RPS6KC1: variants seen among roughly 807,000 people sequenced by gnomAD.
The protein encoded by RPS6KC1 is ribosomal protein S6 kinase C1, also known as inactive ribosomal protein S6 kinase delta-1.
In RPS6KC1, 54 loss-of-function variants were observed where a neutral mutation model predicts 103.8. The observed-to-expected ratio is 0.52, with a 90% CI of 0.42 to 0.65. The LOEUF is 0.65. RPS6KC1 is among the 30% of genes least tolerant of loss of function. RPS6KC1 has a pLI of 0.00. For missense variants in RPS6KC1, 1,151 were observed against 1,253.8 expected (o/e 0.92, Z 1.24); for synonymous variants, 439 against 438.7 (o/e 1.00, Z -0.01).
chr1:213,603,598 G>A, the RPS6KC1 span, among the ~76,000 whole-genome samples: 3 of 151,630 alleles, frequency 2.0e-5, no homozygotes, highest in East Asian at 1.9e-4. Flanking sequence ...AGTAGCTCAC[G>A]CCTGTAATCC....
the RPS6KC1 span, among the ~76,000 whole-genome samples, chr1:213,640,323 C>T: frequency 6.6e-6 from 1 of 151,656 alleles, no homozygotes; most frequent in African/African-American, 2.4e-5. Flanking sequence ...AGATGCTTAT[C>T]CATTTTAGTG....
At chr1:213,197,830 A>G (rs1318474481) in intron 8 of RPS6KC1, among the ~76,000 whole-genome samples, 1 of 151,974 alleles carries the variant, frequency 6.6e-6, no homozygotes, top group Non-Finnish European at 1.5e-5. Context: ...TTTTCCTTAA[A>G]TTTATGTGCG....
At chr1:213,823,377 T>C in the RPS6KC1 span, among the ~76,000 whole-genome samples, 2 of 152,172 alleles carry the variant, frequency 1.3e-5, no homozygotes, top group South Asian at 2.1e-4. Flanking sequence ...TGGCACACGA[T>C]AGATGCTCAA....
At chr1:213,733,671 G>A in the RPS6KC1 span, among the ~76,000 whole-genome samples, 9 of 149,428 alleles carry the variant, frequency 6.0e-5, no homozygotes, top group East Asian at 2.0e-4. Context: ...ATCCCCTTTC[G>A]TGGGTTTTAT....
chr1:213,364,021 T>C, the RPS6KC1 span, among the ~76,000 whole-genome samples: 166 of 152,210 alleles, frequency 1.1e-3, no homozygotes, highest in Admixed American at 1.8e-3. Context: ...GGCTATTTAG[T>C]GCAGGGATTG....
intron 1 of RPS6KC1, among the ~76,000 whole-genome samples, chr1:213,064,416 G>T (rs929012137): frequency 6.6e-6 from 1 of 150,774 alleles, no homozygotes; most frequent in East Asian, 1.9e-4. Flanking sequence ...TGCCCAGGCT[G>T]GAGTACAATG....
At chr1:213,375,232 TACACATACACACATATATAC>T in the RPS6KC1 span, among the ~76,000 whole-genome samples, 1 of 151,510 alleles carries the variant, frequency 6.6e-6, no homozygotes, top group Non-Finnish European at 1.5e-5. Context: ...TTCACATACA[TACACATACACACATATATAC>T]ACACATACAC....
the RPS6KC1 span, among the ~76,000 whole-genome samples, chr1:213,749,209 G>T: frequency 1.3e-5 from 2 of 152,190 alleles, no homozygotes; most frequent in Non-Finnish European, 2.9e-5. Context: ...AGAGGATGGT[G>T]GTCTAGGTAG....
chr1:213,503,550 C>T, the RPS6KC1 span, among the ~76,000 whole-genome samples: 17,718 of 152,198 alleles, frequency 0.12, 1,145 homozygotes, highest in Non-Finnish European at 0.13. Context: ...CTCGCACTTA[C>T]GCTTATTCTC....
intron 1 of RPS6KC1, among the ~76,000 whole-genome samples, chr1:213,057,940 A>G (rs1226247726): frequency 2.8e-5 from 4 of 142,738 alleles, no homozygotes; most frequent in East Asian, 2.1e-4. Flanking sequence ...TAATTTTTGT[A>G]TTTTTTAAAT....
rs558117754 is a variant in RPS6KC1 at position 213,151,174 on chromosome 1, C to A, written c.836-16684C>A. On this transcript the variant is annotated intron_variant, in intron 6 of 14. Coordinates refer to ENST00000366960, the MANE Select transcript of RPS6KC1 (RefSeq NM_012424.6). ...GGCGGCTGGCCGGGCGGGGGGCTGA[C>A]CCCCCCACCTCCCTCCCGGATGGGG... Among the ~76,000 whole-genome samples the A allele has an allele frequency of 4.0e-3, 560 of 139,034 alleles. 2 individuals are homozygous for A. The highest frequency in any genetic ancestry group is 0.014 in the African/African-American group (526 of 36,988). The allele number at this position is 139,034 out of a possible 152,430, so 91.2% of individuals were successfully genotyped here. A position where few individuals can be genotyped will look rare whatever the true frequency, so the allele number is the denominator to read the frequency against.
At chr1:213,683,384 T>A in the RPS6KC1 span, among the ~76,000 whole-genome samples, 1 of 152,108 alleles carries the variant, frequency 6.6e-6, no homozygotes, top group Non-Finnish European at 1.5e-5. Flanking sequence ...GCATTTGTCC[T>A]AAGGAAGTTA....
chr1:213,307,438 G>A, the RPS6KC1 span, among the ~76,000 whole-genome samples: 1 of 152,132 alleles, frequency 6.6e-6, no homozygotes. Flanking sequence ...ATGTGAAACT[G>A]AAGGCGTAAG....
chr1:213,257,785 A>AATTTTTTTT (rs2094683866), intron 12 of RPS6KC1, among the ~76,000 whole-genome samples: 1 of 108,672 alleles, frequency 9.2e-6, no homozygotes, highest in African/African-American at 3.5e-5. Context: ...AACAGGTAAA[A>AATTTTTTTT]CTTTTTTTTT....
At chr1:213,587,813 C>T in the RPS6KC1 span, among the ~76,000 whole-genome samples, 4 of 152,200 alleles carry the variant, frequency 2.6e-5, no homozygotes, top group Non-Finnish European at 5.9e-5. Context: ...CTAGAAATCC[C>T]ACTGAGTGTT....
At chr1:213,795,312 C>T in the RPS6KC1 span, among the ~76,000 whole-genome samples, 1 of 152,152 alleles carries the variant, frequency 6.6e-6, no homozygotes, top group South Asian at 2.1e-4. Flanking sequence ...TGGAATTCTT[C>T]TGAGAGGTCT....
At chr1:213,151,800 C>T (rs1279433377) in intron 6 of RPS6KC1, among the ~76,000 whole-genome samples, 2 of 128,076 alleles carry the variant, frequency 1.6e-5, no homozygotes, top group African/African-American at 3.1e-5. Flanking sequence ...CCACCTCCCT[C>T]CCGGACGGGG....
chr1:213,755,140 C>T, the RPS6KC1 span, among the ~76,000 whole-genome samples: 1 of 152,054 alleles, frequency 6.6e-6, no homozygotes, highest in Non-Finnish European at 1.5e-5. Context: ...GGGAGTGAGG[C>T]AGAAAAGGAG....
the RPS6KC1 span, among the ~76,000 whole-genome samples, chr1:213,561,296 T>A: frequency 2.0e-5 from 3 of 152,254 alleles, no homozygotes; most frequent in African/African-American, 7.2e-5. Context: ...TTATGTGCTG[T>A]GGTTCTTTGG....
Sources: allele counts gnomAD v4.1 joint callset (sites outside exome capture counted in the v4.1 genomes callset), GRCh38; gene constraint gnomAD v4.1.1; transcripts MANE v1.5; gene names NCBI Gene and HGNC (gene_info 2026-07-23, HGNC 2026-07-21).